PRKD1: variants seen among roughly 807,000 people sequenced by gnomAD.
The protein encoded by PRKD1 is protein kinase D1.
PRKD1 carries 63 observed loss-of-function variants against 95.9 expected under a neutral mutation model. The observed-to-expected ratio is 0.66, with a 90% confidence interval of 0.54 to 0.81. The LOEUF is 0.81. Among genes scored for constraint, PRKD1 ranks in the 30% least tolerant of loss-of-function variants. The pLI is 0.00. For synonymous variants in PRKD1, 425 were observed against 423.1 expected (o/e 1.00, Z -0.05); for missense variants, 1,048 against 1,165.3 (o/e 0.90, Z 1.47).
intron 1 of PRKD1, among the ~76,000 whole-genome samples, chr14:29,899,293 A>C (rs1321140201): frequency 6.6e-6 from 1 of 152,156 alleles, no homozygotes; most frequent in Admixed American, 6.5e-5. Flanking sequence ...AAACCTTGTC[A>C]AAAAAACACA....
chr14:29,628,737 G>A (rs1017733663), intron 11 of PRKD1, among the ~76,000 whole-genome samples: 3 of 152,024 alleles, frequency 2.0e-5, no homozygotes, highest in Non-Finnish European at 4.4e-5. Flanking sequence ...TTATTTTACT[G>A]TGTAATATCA....
intron 6 of PRKD1, among the ~76,000 whole-genome samples, chr14:29,637,397 T>C (rs571211438): frequency 1.3e-5 from 2 of 152,374 alleles, no homozygotes; most frequent in East Asian, 3.9e-4. Context: ...TGCAAAGTAC[T>C]CATTTTAAAA....
chr14:29,629,161 G>T, intron 10 of PRKD1, 68 bp from the exon 11 acceptor site: 1 of 1,310,782 alleles, frequency 7.6e-7, no homozygotes, highest in Non-Finnish European at 1.1e-6. Flanking sequence ...AAACAAGTAA[G>T]TACATGCTTA....
chr14:29,609,997 C>T (rs183439075), intron 13 of PRKD1, among the ~76,000 whole-genome samples: 6 of 152,200 alleles, frequency 3.9e-5, no homozygotes. Context: ...CCTCTCTTTT[C>T]CCTATAAAAG....
intron 1 of PRKD1, among the ~76,000 whole-genome samples, chr14:29,825,109 C>A (rs976102139): frequency 6.6e-6 from 1 of 151,906 alleles, no homozygotes; most frequent in African/African-American, 2.4e-5. Flanking sequence ...TCTAGTGAAC[C>A]GCCAGTTTTC....
At chr14:29,642,511 T>C (rs534091687) in intron 4 of PRKD1, among the ~76,000 whole-genome samples, 3 of 152,320 alleles carry the variant, frequency 2.0e-5, no homozygotes, top group South Asian at 2.1e-4. Flanking sequence ...GGAAACTAGA[T>C]AGCAATTCGA....
intron 1 of PRKD1, among the ~76,000 whole-genome samples, chr14:29,901,446 T>C (rs1171973515): frequency 6.6e-6 from 1 of 152,170 alleles, no homozygotes; most frequent in Non-Finnish European, 1.5e-5. Flanking sequence ...TCATGCAATA[T>C]ACGCATTTAA....
chr14:29,794,205 G>A (rs973202005), intron 1 of PRKD1, among the ~76,000 whole-genome samples: 3 of 151,574 alleles, frequency 2.0e-5, no homozygotes, highest in African/African-American at 7.3e-5. Context: ...ACAAAACAAG[G>A]GCCATGATTT....
At chr14:29,882,216 C>A (rs1373318968) in intron 1 of PRKD1, among the ~76,000 whole-genome samples, 2 of 152,184 alleles carry the variant, frequency 1.3e-5, no homozygotes, top group African/African-American at 4.8e-5. Context: ...TATTAGTTAG[C>A]TTTCAATTAA....
Position 29,639,628 on chromosome 14 carries a change from T to C in PRKD1, c.697-724A>G, listed in dbSNP as rs866054540. Among the ~76,000 whole-genome samples, 3 of 144,562 alleles carry C rather than the reference T, an allele frequency of 2.1e-5. No homozygotes were observed. The East Asian group carries it at 6.0e-4, about 29-fold the overall frequency. 94.8% of individuals were successfully genotyped at this position (144,562 alleles called of 152,430 possible). On this transcript the variant is annotated intron_variant, in intron 4 of 17. Transcript: ENST00000331968. ...GAGTGAAACTCCATCTCAAAAAAAA[T>C]AAATAAATAAATAATAAAAGAAAAA...
intron 13 of PRKD1, among the ~76,000 whole-genome samples, chr14:29,621,762 G>C (rs1879281696): frequency 1.3e-5 from 2 of 152,140 alleles, no homozygotes; most frequent in South Asian, 4.1e-4. Flanking sequence ...AACAGTGTTT[G>C]GCTCATAATA....
At chr14:29,844,539 A>T (rs1477658000) in intron 1 of PRKD1, among the ~76,000 whole-genome samples, 1 of 152,168 alleles carries the variant, frequency 6.6e-6, no homozygotes, top group African/African-American at 2.4e-5. Context: ...TGAGCCAAAA[A>T]TATATAAATT....
intron 13 of PRKD1, among the ~76,000 whole-genome samples, chr14:29,610,689 G>A (rs187651608): frequency 2.0e-3 from 301 of 152,262 alleles, no homozygotes; most frequent in Admixed American, 4.4e-3. Flanking sequence ...TAAAACTTAC[G>A]TTCACACAGA....
At chr14:29,592,409 GATGT>G (rs1195536728) in intron 16 of PRKD1, among the ~76,000 whole-genome samples, 1 of 152,068 alleles carries the variant, frequency 6.6e-6, no homozygotes, top group Non-Finnish European at 1.5e-5. Context: ...CTATATATAT[GATGT>G]ATGTATGTAC....
intron 1 of PRKD1, among the ~76,000 whole-genome samples, chr14:29,771,230 G>A (rs1888494612): frequency 2.0e-5 from 3 of 152,112 alleles, no homozygotes; most frequent in Non-Finnish European, 4.4e-5. Context: ...TGGAAGCCAG[G>A]TGCTGTTCAT....
At chr14:29,709,474 G>A (rs1393776337) in intron 2 of PRKD1, among the ~76,000 whole-genome samples, 2 of 152,170 alleles carry the variant, frequency 1.3e-5, no homozygotes, top group Non-Finnish European at 2.9e-5. Flanking sequence ...TCATTGTTCA[G>A]GGGGACGGTT....
intron 1 of PRKD1, among the ~76,000 whole-genome samples, chr14:29,877,501 C>T (rs1344440203): frequency 2.0e-5 from 3 of 152,302 alleles, no homozygotes; most frequent in Non-Finnish European, 4.4e-5. Flanking sequence ...AATTAGATCC[C>T]ACCTATCAAT....
At chr14:29,823,233 C>A (rs1013006155) in intron 1 of PRKD1, among the ~76,000 whole-genome samples, 62 of 152,112 alleles carry the variant, frequency 4.1e-4, no homozygotes, top group Non-Finnish European at 4.0e-4. Context: ...GTATAATTTT[C>A]ATATTATGCG....
chr14:29,847,378 T>C (rs560943200), intron 1 of PRKD1, among the ~76,000 whole-genome samples: 3 of 152,290 alleles, frequency 2.0e-5, no homozygotes, highest in Admixed American at 6.5e-5. Flanking sequence ...TTTCTCCATA[T>C]ACAACATGAG....
Sources: gnomAD v4.1 joint callset for allele counts (sites outside exome capture counted in the v4.1 genomes callset) on GRCh38, gnomAD v4.1.1 for gene constraint, MANE v1.5 for transcripts, NCBI Gene and HGNC (gene_info 2026-07-23, HGNC 2026-07-21) for gene names.